Variants in CGNL1 observed in about 807,000 individuals in gnomAD.
CGNL1 encodes the protein cingulin-like protein 1.
A neutral mutation model predicts 141.2 loss-of-function variants in CGNL1; 132 were observed. That is an observed-to-expected ratio of 0.93 (90% CI 0.81 to 1.08). CGNL1 has a LOEUF of 1.08. Among genes scored for constraint, CGNL1 ranks in the 50% least tolerant of loss-of-function variants. CGNL1 has a pLI of 0.00. For synonymous variants in CGNL1, 690 were observed against 622.1 expected (o/e 1.11, Z -1.63); for missense variants, 1,870 against 1,588.6 (o/e 1.18, Z -3.01).
At chr15:57,426,972 T>A (rs2062983057) in intron 1 of CGNL1, among the ~76,000 whole-genome samples, 1 of 152,124 alleles carries the variant, frequency 6.6e-6, no homozygotes, top group Non-Finnish European at 1.5e-5. Context: ...GAGAGGGAGC[T>A]AAGGGCCACA....
chr15:57,439,312 A>G lies in CGNL1; in HGVS notation c.1313A>G (p.Gln438Arg), dbSNP rs761969702. The G allele has an allele frequency of 1.9e-6, 3 of 1,614,022 alleles. No homozygotes were observed. The African/African-American group carries it at 4.0e-5, about 22-fold the overall frequency. ...CTGTCTCAGGAGCGCCGTGGGAAACAGAGCGTGGGCCGCACCTTTGCAAAG... is the reference window on the plus strand; with the variant it reads ...CTGTCTCAGGAGCGCCGTGGGAAACGGAGCGTGGGCCGCACCTTTGCAAAG... ...RPLSQERRGK[Q>R]SVGRTFAKLQ... Residue 438 changes from glutamine (Q) to arginine (R), a missense_variant, in exon 2 of 19, where the codon CAG becomes CGG. By Grantham distance (43) the Gln-to-Arg change is conservative (BLOSUM62 1). Coordinates refer to ENST00000281282, the MANE Select transcript of CGNL1 (RefSeq NM_032866.5).
intron 4 of CGNL1, among the ~76,000 whole-genome samples, chr15:57,443,505 A>T (rs1319572091): frequency 6.6e-6 from 1 of 152,022 alleles, no homozygotes; most frequent in Admixed American, 6.5e-5. Flanking sequence ...CTTCTTTCTA[A>T]CTTGGGAAGC....
rs1399352348 is a variant in CGNL1 at position 57,438,684 on chromosome 15, A to C, written c.685A>C (p.Lys229Gln). 4 of 1,614,148 alleles carry C rather than the reference A, an allele frequency of 2.5e-6. No individual in the cohort carries two copies. In the South Asian group the frequency reaches 4.4e-5, roughly 18 times the overall value. Residue 229 changes from lysine (K) to glutamine (Q), a missense_variant, in exon 2 of 19, where the codon AAG (lysine) becomes CAG (glutamine). Transcript: ENST00000281282. ...CTCCGTGGTCATAGAGGACCCCAAA[A>C]AGCAGACCTCAGTGTGTGTAAACGT... ...CSSVVIEDPK[K>Q]QTSVCVNVQS...
chr15:57,461,682 G>A lies in CGNL1; in HGVS notation c.2193G>A (p.Glu731=). The part of the protein sequence containing the change: ...EDREKGALIE[E]LLQAKQDLQD... The stretch of plus-strand genomic sequence containing the variant: ...CCCTTCGTGTTTCCTCTCTCTAGGA[G>A]CTCTTACAGGCAAAACAGGATCTTC... Residue 731 remains glutamate (E), a splice_region_variant and synonymous_variant, in exon 8 of 19, where the codon GAG becomes GAA. Coordinates refer to ENST00000281282, the MANE Select transcript of CGNL1 (RefSeq NM_032866.5). 6.2e-7 allele frequency: 1 copy of A among 1,613,788 alleles called. No individual in the cohort carries two copies. The highest frequency in any genetic ancestry group is 1.1e-5 in the South Asian group (1 of 91,064).
rs371311448 is a variant in CGNL1, at chr15:57,439,435, G to C, written c.1436G>C (p.Ser479Thr). The C allele has an allele frequency of 1.2e-6, 2 of 1,614,098 alleles. No individual in the cohort carries two copies. The highest frequency in any genetic ancestry group is 1.7e-6 in the Non-Finnish European group (2 of 1,180,044). ...CTGGAAACCGAAGGTAGTCAGGAAA[G>C]TACAGTGATCCGTGCGCCCTCCCTT... ...KVLETEGSQE[S>T]TVIRAPSLGA... is the part of the protein sequence containing the mutation. Residue 479 changes from serine to threonine, a missense_variant, in exon 2 of 19, where the codon AGT becomes ACT. Physicochemically the swap from Ser to Thr is moderately conservative, Grantham distance 58. Coordinates refer to ENST00000281282, the MANE Select transcript of CGNL1 (RefSeq NM_032866.5).
intron 1 of CGNL1, among the ~76,000 whole-genome samples, chr15:57,410,595 G>A (rs1193090953): frequency 4.6e-5 from 7 of 152,168 alleles, no homozygotes; most frequent in African/African-American, 1.4e-4. Context: ...ACATGTGTAC[G>A]TGTGTGTAGC....
chr15:57,508,743 C>T (rs1298432034), intron 8 of CGNL1, among the ~76,000 whole-genome samples: 1 of 152,216 alleles, frequency 6.6e-6, no homozygotes, highest in African/African-American at 2.4e-5. Context: ...GTCCAATCAG[C>T]CTAGACCTCA....
intron 8 of CGNL1, among the ~76,000 whole-genome samples, chr15:57,479,478 A>G (rs2063698230): frequency 6.6e-6 from 1 of 152,132 alleles, no homozygotes; most frequent in Non-Finnish European, 1.5e-5. Context: ...AGCCTGGCCA[A>G]CACTGTGAAA....
chr15:57,452,325 G>C (rs770962468), intron 6 of CGNL1, 36 bp downstream of exon 6: 1 of 1,592,632 alleles, frequency 6.3e-7, no homozygotes, highest in African/African-American at 1.4e-5. Flanking sequence ...GCCCTTCCCA[G>C]GTTCTCTATG....
At chr15:57,405,979 AC>A (rs11287148) in intron 1 of CGNL1, 58,644 of 151,630 alleles carry the variant, frequency 0.39, 11,602 homozygotes, top group East Asian at 0.59. Flanking sequence ...TTTACCAAGT[AC>A]CCCCTGTGGG....
chr15:57,507,992 C>T (rs538844106), intron 8 of CGNL1, among the ~76,000 whole-genome samples: 2 of 152,246 alleles, frequency 1.3e-5, no homozygotes, highest in South Asian at 2.1e-4. Context: ...GAATTGTTAG[C>T]GGGATCTGGT....
At chr15:57,407,832 T>C (rs1035635411) in intron 1 of CGNL1, among the ~76,000 whole-genome samples, 1 of 150,120 alleles carries the variant, frequency 6.7e-6, no homozygotes, top group African/African-American at 2.5e-5. Flanking sequence ...CACTGCAACC[T>C]CCGTCTCCTG....
At chr15:57,439,671 C>A in intron 2 of CGNL1, 70 bp downstream of exon 2, 1 of 1,416,338 alleles carries the variant, frequency 7.1e-7, no homozygotes, top group Non-Finnish European at 9.7e-7. Flanking sequence ...TGTACTTATG[C>A]TGCAGGAGGC....
At chr15:57,497,782 C>T (rs2063961913) in intron 8 of CGNL1, among the ~76,000 whole-genome samples, 1 of 152,258 alleles carries the variant, frequency 6.6e-6, no homozygotes, top group Admixed American at 6.5e-5. Context: ...GAGATGCGGG[C>T]TTGCACCCAT....
intron 14 of CGNL1, among the ~76,000 whole-genome samples, chr15:57,533,685 A>G (rs1219035210): frequency 2.0e-5 from 3 of 152,336 alleles, no homozygotes; most frequent in East Asian, 1.9e-4. Context: ...TGACAGCCCA[A>G]CACTGACAGA....
At chr15:57,439,687 G>A (rs2063161050) in intron 2 of CGNL1, 86 bp downstream of exon 2, 1 of 1,264,548 alleles carries the variant, frequency 7.9e-7, no homozygotes, top group Non-Finnish European at 1.1e-6. Flanking sequence ...GAGGCCATAG[G>A]AATTACACAT....
intron 8 of CGNL1, among the ~76,000 whole-genome samples, chr15:57,514,527 G>T (rs1000823610): frequency 6.6e-6 from 1 of 151,916 alleles, no homozygotes; most frequent in South Asian, 2.1e-4. Context: ...TTAGATATAT[G>T]ACTTTTATTT....
At chr15:57,420,586 A>G (rs1053708221) in intron 1 of CGNL1, among the ~76,000 whole-genome samples, 10 of 152,290 alleles carry the variant, frequency 6.6e-5, no homozygotes, top group African/African-American at 1.7e-4. Context: ...GCATTCCTCT[A>G]TGGGAAACAA....
chr15:57,494,631 T>C (rs1158079529), intron 8 of CGNL1, among the ~76,000 whole-genome samples: 1 of 152,246 alleles, frequency 6.6e-6, no homozygotes, highest in Non-Finnish European at 1.5e-5. Context: ...TGTTTGGGGC[T>C]AAATGGTCCC....
Sources: gnomAD v4.1 joint callset for allele counts (sites outside exome capture counted in the v4.1 genomes callset) on GRCh38, gnomAD v4.1.1 for gene constraint, MANE v1.5 for transcripts, NCBI Gene and HGNC (gene_info 2026-07-23, HGNC 2026-07-21) for gene names.